The following ATP11A variants were observed in gnomAD, a reference collection of about 807,000 sequenced individuals.
The protein encoded by ATP11A is phospholipid-transporting ATPase IH.
A neutral mutation model predicts 154.4 loss-of-function variants in ATP11A; 81 were observed. The observed-to-expected ratio is 0.52, with a 90% CI of 0.44 to 0.63. The LOEUF (loss-of-function observed/expected upper bound fraction) is 0.63, where lower values mean the gene tolerates loss of function less well. Ranked by LOEUF, ATP11A falls within the 30% of genes least tolerant of loss-of-function variation. ATP11A has a pLI of 0.00. For missense variants in ATP11A, 1,316 were observed against 1,474.3 expected (o/e 0.89, Z 1.76); for synonymous variants, 623 against 585.9 (o/e 1.06, Z -0.91).
At chr13:112,793,511 G>T (rs187403651) in intron 2 of ATP11A, among the ~76,000 whole-genome samples, 1 of 152,150 alleles carries the variant, frequency 6.6e-6, no homozygotes, top group Non-Finnish European at 1.5e-5. Context: ...CCAGGGGCAC[G>T]TTTCTTAACA....
In ATP11A at chr13:112,785,723, C is replaced by T. The variant is rs967539034; in HGVS notation, c.162+466C>T. On this transcript the variant is annotated intron_variant, in intron 2 of 29. Coordinates refer to ENST00000375645, the MANE Select transcript of ATP11A (RefSeq NM_015205.3). The surrounding 1 kb of genome is among the most constrained non-coding windows in gnomAD (Gnocchi z 4.8). Reference sequence around the variant, plus strand: ...AATCTTTGAGCTTGTTCACGAGGTGCAGCCCAGGTAAAGCGTAGGAAGCAC... The same window carrying T: ...AATCTTTGAGCTTGTTCACGAGGTGTAGCCCAGGTAAAGCGTAGGAAGCAC... Among the ~76,000 whole-genome samples the T allele has an allele frequency of 1.3e-5, 2 of 152,208 alleles. No homozygotes were observed. The highest frequency in any genetic ancestry group is 6.5e-5 in the Admixed American group (1 of 15,288).
At chr13:112,852,338 C>T (rs776708599) in intron 18 of ATP11A, among the ~76,000 whole-genome samples, 20 of 152,162 alleles carry the variant, frequency 1.3e-4, no homozygotes, top group African/African-American at 4.6e-4. Context: ...ATTTTCTGAG[C>T]GTGTTGAACA....
At chr13:112,806,484 C>G (rs2078325615) in intron 4 of ATP11A, among the ~76,000 whole-genome samples, 191 bp downstream of exon 4, 1 of 152,158 alleles carries the variant, frequency 6.6e-6, no homozygotes, top group African/African-American at 2.4e-5. Context: ...AATTTAGTTG[C>G]TAGTCTGGCA....
At chr13:112,762,440 C>G (rs568957284) in intron 1 of ATP11A, among the ~76,000 whole-genome samples, 250 of 152,178 alleles carry the variant, frequency 1.6e-3, no homozygotes, top group Non-Finnish European at 3.0e-3. Flanking sequence ...TCTATGGGCC[C>G]CCGAGACTGC....
intron 2 of ATP11A, among the ~76,000 whole-genome samples, chr13:112,793,994 G>A (rs1311293870): frequency 6.6e-6 from 1 of 152,254 alleles, no homozygotes; most frequent in Middle Eastern, 3.2e-3. Flanking sequence ...ATCAGAGCCA[G>A]GGCAGCTGTG....
At chr13:112,726,944 AT>A (rs560867461) in intron 1 of ATP11A, among the ~76,000 whole-genome samples, 122 of 152,182 alleles carry the variant, frequency 8.0e-4, no homozygotes, top group African/African-American at 2.9e-3. Context: ...GACATTGCAA[AT>A]TTTTTTTCTC....
chr13:112,825,247 C>T (rs1195545679), intron 10 of ATP11A, among the ~76,000 whole-genome samples, 183 bp from the exon 11 acceptor site: 1 of 152,182 alleles, frequency 6.6e-6, no homozygotes, highest in Non-Finnish European at 1.5e-5. Flanking sequence ...TCTAGAAGTA[C>T]GTGCCAGGGA....
At chr13:112,796,100 G>C (rs1594727384) in intron 2 of ATP11A, among the ~76,000 whole-genome samples, 3 of 152,216 alleles carry the variant, frequency 2.0e-5, no homozygotes, top group South Asian at 4.1e-4. Flanking sequence ...TGGCAATCTG[G>C]TGTTTTTGTT....
chr13:112,822,973 A>T (rs1019236061), intron 8 of ATP11A, among the ~76,000 whole-genome samples: 3 of 152,026 alleles, frequency 2.0e-5, no homozygotes, highest in Non-Finnish European at 4.4e-5. Context: ...GACTGGCTCC[A>T]GGTGCTGCTG....
chr13:112,833,117 G>C, intron 14 of ATP11A, 94 bp downstream of exon 14: 1 of 1,483,504 alleles, frequency 6.7e-7, no homozygotes, highest in Non-Finnish European at 9.1e-7. Flanking sequence ...GGCGTCCTCA[G>C]CCCCACCCTG....
At chr13:112,797,405 C>T (rs1009792404) in intron 2 of ATP11A, among the ~76,000 whole-genome samples, 4 of 151,366 alleles carry the variant, frequency 2.6e-5, no homozygotes, top group African/African-American at 9.7e-5. Context: ...TGCCAAACTA[C>T]CGATCCAGGA....
intron 25 of ATP11A, among the ~76,000 whole-genome samples, chr13:112,865,935 G>A (rs1377364815): frequency 7.2e-5 from 11 of 152,232 alleles, no homozygotes; most frequent in African/African-American, 2.4e-4. Context: ...ATACCATTTA[G>A]ACATTGCATT....
rs569463562 is a variant in ATP11A, at chr13:112,740,184, A to G, written c.40-44951A>G. Among the ~76,000 whole-genome samples, 88 of 150,676 alleles carry G rather than the reference A, an allele frequency of 5.8e-4. 1 individual carries two copies. The highest frequency in any genetic ancestry group is 4.0e-3 in the South Asian group (19 of 4,798). ...TATATATATATAGATATCTATATGT[A>G]TATATATTTTTTTGAGACGGAGTCT... On this transcript the variant is annotated intron_variant, in intron 1 of 29. Transcript: ENST00000375645.
chr13:112,725,156 A>G (rs954887681), intron 1 of ATP11A, among the ~76,000 whole-genome samples: 3 of 152,172 alleles, frequency 2.0e-5, no homozygotes, highest in African/African-American at 7.2e-5. Flanking sequence ...CACAAGAGAC[A>G]CTGCAAACCC....
chr13:112,823,158 C>A (rs1434223887), intron 8 of ATP11A, among the ~76,000 whole-genome samples, 187 bp from the exon 9 acceptor site: 20 of 152,234 alleles, frequency 1.3e-4, no homozygotes, highest in African/African-American at 4.3e-4. Context: ...CAAAGATAAG[C>A]CCACATCTGT....
intron 1 of ATP11A, among the ~76,000 whole-genome samples, chr13:112,781,125 A>G (rs1032332782): frequency 1.3e-5 from 2 of 151,562 alleles, no homozygotes; most frequent in Admixed American, 6.6e-5. Flanking sequence ...TGCAACCTCC[A>G]CCTCCGGGTT....
At chr13:112,772,209 C>T (rs1051672764) in intron 1 of ATP11A, among the ~76,000 whole-genome samples, 3 of 152,172 alleles carry the variant, frequency 2.0e-5, no homozygotes, top group Admixed American at 1.3e-4. Context: ...GTCAACAGTG[C>T]TCTATATACT....
chr13:112,816,118 C>G lies in ATP11A; in HGVS notation c.477C>G (p.Thr159=), dbSNP rs769043291. The change falls in exon 6 of 30, where the codon ACC becomes ACG. Residue 159 remains threonine (T), a synonymous_variant. Transcript: ENST00000375645. ...GDIVMVKEDE[T]FPCDLIFLSS... ...TTGTCATGGTTAAGGAGGACGAGAC[C>G]TTTCCCTGCGACTTGATCTTCCTTT... The G allele has an allele frequency of 3.1e-6, 5 of 1,614,086 alleles. No homozygotes were observed. The African/African-American group carries it at 5.3e-5, about 17-fold the overall frequency.
intron 2 of ATP11A, among the ~76,000 whole-genome samples, chr13:112,803,846 TCCTTCCCCTCCTTTTCCTCCTTGCTTC>T (rs2078217885): frequency 1.1e-5 from 1 of 94,806 alleles, no homozygotes; most frequent in Non-Finnish European, 2.2e-5. Flanking sequence ...CTCCTTCCTC[TCCTTCCCCTCCTTTTCCTCCTTGCTTC>T]CCTTCCTTCC....
Sources: allele counts gnomAD v4.1 joint callset (sites outside exome capture counted in the v4.1 genomes callset), GRCh38; gene constraint gnomAD v4.1.1; non-coding constraint Gnocchi (gnomAD v3.1); transcripts MANE v1.5; gene names NCBI Gene and HGNC (gene_info 2026-07-23, HGNC 2026-07-21).